CRY1: variants seen among roughly 807,000 people sequenced by gnomAD.
The protein encoded by CRY1 is cryptochrome-1.
CRY1 carries 45 observed loss-of-function variants against 76.0 expected under a neutral mutation model. That is an observed-to-expected ratio of 0.59 (90% confidence interval 0.47 to 0.76). CRY1 has a LOEUF of 0.76. CRY1 is among the 30% of genes least tolerant of loss of function. The pLI, the probability that CRY1 is intolerant of heterozygous loss-of-function variation, is 0.00. For synonymous variants in CRY1, 248 were observed against 244.0 expected (o/e 1.02, Z -0.15); for missense variants, 587 against 716.4 (o/e 0.82, Z 2.06).
chr12:107,046,040 T>C (rs1952845337), intron 1 of CRY1, among the ~76,000 whole-genome samples: 2 of 151,656 alleles, frequency 1.3e-5, no homozygotes, highest in South Asian at 2.1e-4. Context: ...GGCAGGAGAA[T>C]TGCTTGAACC....
At chr12:107,049,165 T>C (rs1690525002) in intron 1 of CRY1, among the ~76,000 whole-genome samples, 1 of 152,190 alleles carries the variant, frequency 6.6e-6, no homozygotes, top group Non-Finnish European at 1.5e-5. Context: ...GCTGAAATAG[T>C]CCAGGGCTCC....
rs1301861397 is a variant in CRY1, at chr12:107,011,407, C to T, written c.268-6159G>A. On this transcript the variant is annotated intron_variant, in intron 2 of 12. Coordinates refer to ENST00000008527, the MANE Select transcript of CRY1 (RefSeq NM_004075.5). ...AAGCTGAGGCAGGCCAAAAGCTAGG[C>T]CATTTGCACCAGTTAGCCAAGATGT... Among the ~76,000 whole-genome samples, 6 of 151,140 alleles carry T rather than the reference C, an allele frequency of 4.0e-5. No homozygotes were observed. The East Asian group carries it at 9.7e-4, about 25-fold the overall frequency.
chr12:106,996,303 G>A (rs995322925), intron 10 of CRY1, among the ~76,000 whole-genome samples: 22 of 152,066 alleles, frequency 1.4e-4, no homozygotes, highest in Admixed American at 1.0e-3. Flanking sequence ...ACATGATCTC[G>A]TTCCTTTTTA....
intron 2 of CRY1, among the ~76,000 whole-genome samples, chr12:107,012,453 C>T (rs1952456112): frequency 6.6e-6 from 1 of 152,194 alleles, no homozygotes; most frequent in African/African-American, 2.4e-5. Flanking sequence ...ACCTACTACT[C>T]AGAAAGAAAG....
chr12:106,995,838 G>A (rs1421209026), intron 10 of CRY1, among the ~76,000 whole-genome samples: 1 of 151,952 alleles, frequency 6.6e-6, no homozygotes, highest in Non-Finnish European at 1.5e-5. Context: ...CCCAGCATGT[G>A]TGTTTTGTTG....
At chr12:107,047,066 G>C (rs952185093) in intron 1 of CRY1, among the ~76,000 whole-genome samples, 1 of 152,188 alleles carries the variant, frequency 6.6e-6, no homozygotes, top group Non-Finnish European at 1.5e-5. Flanking sequence ...CACAGTTGTA[G>C]AATACACATT....
chr12:107,036,189 C>T (rs781280433), intron 1 of CRY1, among the ~76,000 whole-genome samples: 3 of 152,186 alleles, frequency 2.0e-5, no homozygotes, highest in Admixed American at 1.3e-4. Flanking sequence ...AAGAGTCACA[C>T]GGCCTCGCCA....
At chr12:107,067,114 T>G (rs1263420043) in intron 1 of CRY1, among the ~76,000 whole-genome samples, 3 of 152,146 alleles carry the variant, frequency 2.0e-5, no homozygotes. Flanking sequence ...ACAGAAGTGT[T>G]TGCAAACTAT....
chr12:106,998,869 CCT>C (rs942151432), intron 7 of CRY1, among the ~76,000 whole-genome samples: 1 of 151,704 alleles, frequency 6.6e-6, no homozygotes, highest in Non-Finnish European at 1.5e-5. Context: ...ATGGTAAAAC[CCT>C]CTCTCTACTA....
At chr12:107,013,397 T>C (rs1373135262) in intron 2 of CRY1, among the ~76,000 whole-genome samples, 3 of 152,240 alleles carry the variant, frequency 2.0e-5, no homozygotes, top group Non-Finnish European at 4.4e-5. Context: ...TTAAGGTGTG[T>C]ATTTTTTTTA....
intron 1 of CRY1, among the ~76,000 whole-genome samples, chr12:107,080,092 T>C (rs1953304349): frequency 2.0e-5 from 3 of 152,110 alleles, no homozygotes; most frequent in Admixed American, 2.0e-4. Flanking sequence ...CTCTGTACTA[T>C]AAACTCCCTG....
chr12:107,000,996 T>C (rs1291306799), intron 5 of CRY1, among the ~76,000 whole-genome samples: 1 of 152,098 alleles, frequency 6.6e-6, no homozygotes, highest in Non-Finnish European at 1.5e-5. Flanking sequence ...ATAATTCTAT[T>C]CTAGTTTCGA....
At chr12:106,998,285 C>G (rs1384113175) in intron 7 of CRY1, among the ~76,000 whole-genome samples, 2 of 152,110 alleles carry the variant, frequency 1.3e-5, no homozygotes, top group Non-Finnish European at 2.9e-5. Flanking sequence ...AGAGAATTTA[C>G]TTTTCCAACC....
intron 1 of CRY1, among the ~76,000 whole-genome samples, chr12:107,038,683 C>T (rs1952764245): frequency 6.6e-6 from 1 of 152,184 alleles, no homozygotes; most frequent in Non-Finnish European, 1.5e-5. Flanking sequence ...AATAGGAAGT[C>T]CTGGACTTTC....
chr12:107,086,936 GAGA>G (rs1290312113), intron 1 of CRY1, among the ~76,000 whole-genome samples: 1 of 151,528 alleles, frequency 6.6e-6, no homozygotes, highest in Non-Finnish European at 1.5e-5. Context: ...CTAAAGCCAA[GAGA>G]AGAAGAGAAA....
chr12:107,042,021 G>C (rs1302357851), intron 1 of CRY1, among the ~76,000 whole-genome samples: 1 of 152,178 alleles, frequency 6.6e-6, no homozygotes, highest in Non-Finnish European at 1.5e-5. Flanking sequence ...TAAACAACAG[G>C]ATGGGTGCCA....
chr12:107,019,081 C>G (rs1952525756), intron 2 of CRY1, among the ~76,000 whole-genome samples: 1 of 151,970 alleles, frequency 6.6e-6, no homozygotes. Context: ...GTACTAGAAC[C>G]AAAAGACCTG....
intron 3 of CRY1, among the ~76,000 whole-genome samples, 198 bp downstream of exon 3, chr12:107,004,908 A>G (rs1169232799): frequency 6.6e-6 from 1 of 152,200 alleles, no homozygotes; most frequent in African/African-American, 2.4e-5. Flanking sequence ...GCAGCTAAAT[A>G]AAATGCTAAG....
At chr12:107,082,595 C>T (rs1430941926) in intron 1 of CRY1, among the ~76,000 whole-genome samples, 2 of 152,140 alleles carry the variant, frequency 1.3e-5, no homozygotes, top group Non-Finnish European at 2.9e-5. Flanking sequence ...TGAGTGACTA[C>T]TGGGTAAATA....
Sources: allele counts gnomAD v4.1 joint callset (sites outside exome capture counted in the v4.1 genomes callset), GRCh38; gene constraint gnomAD v4.1.1; transcripts MANE v1.5; gene names NCBI Gene and HGNC (gene_info 2026-07-23, HGNC 2026-07-21).